Variants in GPC5 observed in about 807,000 individuals in gnomAD.
The protein encoded by GPC5 is glypican 5, also known as glypican-5.
In GPC5, 47 loss-of-function variants were observed where a neutral mutation model predicts 53.9. The observed-to-expected ratio is 0.87, with a 90% confidence interval of 0.69 to 1.11. The LOEUF is 1.11. GPC5 is among the 50% of genes most tolerant of loss of function. GPC5 has a pLI of 0.00. For missense variants in GPC5, 748 were observed against 713.1 expected (o/e 1.05, Z -0.56); for synonymous variants, 286 against 263.3 (o/e 1.09, Z -0.84).
chr13:91,655,761 A>G (rs1461354852), intron 2 of GPC5, among the ~76,000 whole-genome samples: 1 of 152,108 alleles, frequency 6.6e-6, no homozygotes, highest in African/African-American at 2.4e-5. Context: ...AAAAAATTCA[A>G]AATGCCTGTC....
intron 6 of GPC5, among the ~76,000 whole-genome samples, chr13:91,928,424 T>A (rs1332745974): frequency 6.6e-6 from 1 of 152,144 alleles, no homozygotes; most frequent in Non-Finnish European, 1.5e-5. Flanking sequence ...TTTAACAGAG[T>A]GCCCCTTCCT....
chr13:91,423,257 G>T (rs1009015770), intron 1 of GPC5, among the ~76,000 whole-genome samples: 5 of 152,166 alleles, frequency 3.3e-5, no homozygotes, highest in Admixed American at 6.5e-5. Flanking sequence ...GAGCCACACT[G>T]CCAGGGCTCA....
chr13:92,408,324 A>G (rs1875881414), intron 7 of GPC5, among the ~76,000 whole-genome samples: 1 of 152,182 alleles, frequency 6.6e-6, no homozygotes, highest in African/African-American at 2.4e-5. Flanking sequence ...ATTAAGTAAC[A>G]GACTTCCTTT....
chr13:92,576,592 C>T (rs1225204831), intron 7 of GPC5, among the ~76,000 whole-genome samples: 5 of 152,010 alleles, frequency 3.3e-5, no homozygotes, highest in African/African-American at 1.2e-4. Context: ...AATGAATAAC[C>T]CTGTAACTCT....
At chr13:91,640,901 G>T (rs1320355711) in intron 2 of GPC5, among the ~76,000 whole-genome samples, 1 of 152,028 alleles carries the variant, frequency 6.6e-6, no homozygotes, top group Non-Finnish European at 1.5e-5. Flanking sequence ...TGATAGACTG[G>T]ATACAGAAAA....
At chr13:91,709,662 T>C (rs1216289025) in intron 3 of GPC5, among the ~76,000 whole-genome samples, 2 of 152,238 alleles carry the variant, frequency 1.3e-5, no homozygotes, top group Non-Finnish European at 2.9e-5. Flanking sequence ...TTTTACAGCA[T>C]TTTGCATGAA....
At chr13:91,913,721 T>C (rs959001702) in intron 6 of GPC5, among the ~76,000 whole-genome samples, 2 of 152,156 alleles carry the variant, frequency 1.3e-5, no homozygotes, top group African/African-American at 4.8e-5. Flanking sequence ...GACTCTGACA[T>C]CTTTCTCCAG....
At chr13:92,246,468 A>G (rs1325489709) in intron 7 of GPC5, among the ~76,000 whole-genome samples, 1 of 152,120 alleles carries the variant, frequency 6.6e-6, no homozygotes, top group Admixed American at 6.6e-5. Context: ...ATTCAGTTGT[A>G]AAGACAGATC....
intron 6 of GPC5, among the ~76,000 whole-genome samples, chr13:92,065,607 C>A (rs772883900): frequency 6.6e-6 from 1 of 152,010 alleles, no homozygotes; most frequent in Non-Finnish European, 1.5e-5. Flanking sequence ...AGTTTTAGAT[C>A]GAACGGATGT....
intron 7 of GPC5, among the ~76,000 whole-genome samples, chr13:92,470,903 A>G (rs1332013783): frequency 6.6e-6 from 1 of 152,146 alleles, no homozygotes; most frequent in East Asian, 1.9e-4. Context: ...AGACCTGCTA[A>G]TCATGTGTGA....
At chr13:92,782,058 TGAAGGGGAAGG>T (rs1273939885) in intron 7 of GPC5, among the ~76,000 whole-genome samples, 2 of 112,010 alleles carry the variant, frequency 1.8e-5, no homozygotes, top group Non-Finnish European at 3.5e-5. Flanking sequence ...GGAAGGGAAG[TGAAGGGGAAGG>T]GAACGGGAAG....
intron 5 of GPC5, among the ~76,000 whole-genome samples, chr13:91,896,683 G>C (rs2039445939): frequency 1.3e-5 from 2 of 152,100 alleles, no homozygotes; most frequent in Admixed American, 1.3e-4. Flanking sequence ...ATTCTATTTA[G>C]ACTCCAGAGG....
chr13:91,457,227 T>C (rs1425520520), intron 2 of GPC5, among the ~76,000 whole-genome samples: 1 of 152,132 alleles, frequency 6.6e-6, no homozygotes, highest in Non-Finnish European at 1.5e-5. Flanking sequence ...AAATATCCAA[T>C]GTAACTAATT....
intron 6 of GPC5, among the ~76,000 whole-genome samples, chr13:91,956,287 C>A (rs1032376476): frequency 1.3e-5 from 2 of 152,084 alleles, no homozygotes; most frequent in African/African-American, 4.8e-5. Flanking sequence ...CCCAACCTGC[C>A]ATTGTCATCA....
intron 7 of GPC5, among the ~76,000 whole-genome samples, chr13:92,694,533 C>G (rs187477597): frequency 6.6e-6 from 1 of 152,298 alleles, no homozygotes; most frequent in African/African-American, 2.4e-5. Context: ...ATGACTGCCT[C>G]TCTGTATTTT....
At chr13:91,770,744 A>ATGTGTGTGTG (rs2037610214) in intron 5 of GPC5, among the ~76,000 whole-genome samples, 8 of 95,148 alleles carry the variant, frequency 8.4e-5, no homozygotes, top group Admixed American at 7.7e-4. Context: ...GTGTGTATGC[A>ATGTGTGTGTG]TATGCATATT....
At chr13:92,271,538 G>A (rs2042839874) in intron 7 of GPC5, among the ~76,000 whole-genome samples, 1 of 152,050 alleles carries the variant, frequency 6.6e-6, no homozygotes, top group Non-Finnish European at 1.5e-5. Flanking sequence ...AATACTATAG[G>A]AATATCATGC....
chr13:91,852,910 G>A (rs1488324082), intron 5 of GPC5, among the ~76,000 whole-genome samples: 1 of 152,072 alleles, frequency 6.6e-6, no homozygotes, highest in African/African-American at 2.4e-5. Flanking sequence ...TGAAATATTT[G>A]CTGAGTGCCT....
rs141974898 is a variant in GPC5 at position 92,375,463 on chromosome 13, G to C, written c.1561+230474G>C. ...AATGCTTCAACTCATCTTAAAAATA[G>C]ACATACAATAAGTAAAACCTCATGG... is the stretch of plus-strand genomic sequence containing the variant. On this transcript the variant is annotated intron_variant, in intron 7 of 7. Transcript: ENST00000377067. 2.2e-3 allele frequency among the ~76,000 whole-genome samples: 339 copies of C among 152,262 alleles called. 2 individuals carry two copies. Among genetic ancestry groups the C allele is most frequent in the South Asian group, 3.7e-3 (18 of 4,826 alleles).
Sources: gnomAD v4.1 joint callset for allele counts (sites outside exome capture counted in the v4.1 genomes callset) on GRCh38, gnomAD v4.1.1 for gene constraint, MANE v1.5 for transcripts, NCBI Gene and HGNC (gene_info 2026-07-23, HGNC 2026-07-21) for gene names.